The following LARP1 variants were observed in gnomAD, a reference collection of about 807,000 sequenced individuals.
LARP1 encodes la-related protein 1.
LARP1 carries 36 observed loss-of-function variants against 122.7 expected under a neutral mutation model. That is an observed-to-expected ratio of 0.29 (90% CI 0.22 to 0.39). LARP1 has a LOEUF of 0.39. Among genes scored for constraint, LARP1 ranks in the 10% least tolerant of loss-of-function variants. The pLI is 1.00. For synonymous variants in LARP1, 539 were observed against 528.7 expected (o/e 1.02, Z -0.27); for missense variants, 1,040 against 1,403.6 (o/e 0.74, Z 4.14).
chr5:154,801,296 C>T (rs1758335520), intron 10 of LARP1, among the ~76,000 whole-genome samples: 1 of 152,186 alleles, frequency 6.6e-6, no homozygotes, highest in Non-Finnish European at 1.5e-5. Flanking sequence ...TATGTTCATC[C>T]TGTGGTAGTC....
chr5:154,772,884 T>C (rs1279189536), intron 1 of LARP1, among the ~76,000 whole-genome samples: 2 of 152,046 alleles, frequency 1.3e-5, no homozygotes, highest in African/African-American at 4.8e-5. Flanking sequence ...ACGGGGTTTT[T>C]CCGTGTCGGT....
rs146697962 is a variant in LARP1, at chr5:154,784,742, A to G, written c.437-5583A>G. ...GTGACCTGATGAGTTTGAATCACCC[A>G]TGTGCTTTCTACCTGTTGGTTGAAC... On this transcript the variant is annotated intron_variant, in intron 1 of 18. Transcript: ENST00000518297. 3.7e-4 allele frequency among the ~76,000 whole-genome samples: 57 copies of G among 152,260 alleles called. No homozygotes were observed. The South Asian group carries it at 7.3e-3, about 19-fold the overall frequency.
At position 154,758,227 on chromosome 5, in the gene LARP1, A is replaced by G. The variant is rs74850345; in HGVS notation, c.436+2034A>G. 4.7e-3 allele frequency among the ~76,000 whole-genome samples: 710 copies of G among 152,174 alleles called. 2 individuals are homozygous for G. Among genetic ancestry groups the G allele is most frequent in the African/African-American group, 0.016 (670 of 41,506 alleles). Reference sequence around the variant, plus strand: ...CCAGGAGCCCTTGATAGTGTGCGTCACTGGGGTTATTGATCGTGGGAAGAA... The same window carrying G: ...CCAGGAGCCCTTGATAGTGTGCGTCGCTGGGGTTATTGATCGTGGGAAGAA... On this transcript the variant is annotated intron_variant, in intron 1 of 18. Coordinates refer to ENST00000518297, the MANE Select transcript of LARP1 (RefSeq NM_033551.3).
At chr5:154,774,452 C>T (rs980973546) in intron 1 of LARP1, among the ~76,000 whole-genome samples, 3 of 152,264 alleles carry the variant, frequency 2.0e-5, no homozygotes, top group Middle Eastern at 3.4e-3. Flanking sequence ...CAAATTCCCT[C>T]GAGGTAGGAT....
chr5:154,782,748 C>T (rs1026056122), intron 1 of LARP1, among the ~76,000 whole-genome samples: 3 of 152,184 alleles, frequency 2.0e-5, no homozygotes, highest in African/African-American at 7.2e-5. Context: ...GCATTTCATC[C>T]GCAGGTCTAG....
chr5:154,720,021 G>A (rs1019073091), intron 1 of LARP1, among the ~76,000 whole-genome samples: 159 of 151,508 alleles, frequency 1.0e-3, no homozygotes, highest in Non-Finnish European at 1.8e-4. Context: ...GTGAAACCCC[G>A]TCTCTACTAA....
At chr5:154,789,503 G>C (rs1250945660) in intron 1 of LARP1, among the ~76,000 whole-genome samples, 2 of 152,120 alleles carry the variant, frequency 1.3e-5, no homozygotes, top group African/African-American at 2.4e-5. Context: ...TTACAGGCGT[G>C]AGCCACTGCG....
chr5:154,789,039 C>T (rs1355194283), intron 1 of LARP1, among the ~76,000 whole-genome samples: 1 of 151,624 alleles, frequency 6.6e-6, no homozygotes, highest in Non-Finnish European at 1.5e-5. Context: ...TGGTGAAACC[C>T]ATCTCTACTA....
upstream of LARP1, among the ~76,000 whole-genome samples, chr5:154,751,431 A>G (rs1384281527): frequency 6.6e-6 from 1 of 152,224 alleles, no homozygotes; most frequent in Non-Finnish European, 1.5e-5. Flanking sequence ...CTGGGTTATT[A>G]TGAAGATTAA....
chr5:154,777,258 C>T (rs1755982880), intron 1 of LARP1, among the ~76,000 whole-genome samples: 1 of 152,056 alleles, frequency 6.6e-6, no homozygotes, highest in Non-Finnish European at 1.5e-5. Context: ...CCCAGCACTT[C>T]CCAGCACTTT....
chr5:154,808,470 T>C lies in LARP1; in HGVS notation c.2710T>C (p.Leu904=). 6.2e-7 allele frequency: 1 copy of C among 1,613,116 alleles called. No individual in the cohort carries two copies. Among genetic ancestry groups the C allele is most frequent in the Non-Finnish European group, 8.5e-7 (1 of 1,179,824 alleles). The change falls in exon 16 of 19, where the codon TTG becomes CTG. Residue 904 remains leucine, a synonymous_variant. Coordinates refer to ENST00000518297, the MANE Select transcript of LARP1 (RefSeq NM_033551.3). Reference sequence around the variant, plus strand: ...TTCTTTCCCATCAGAGCGGAAACGCTTGGGCATTGGCCAGTCTCAGGAGAT... The same window carrying C: ...TTCTTTCCCATCAGAGCGGAAACGCCTGGGCATTGGCCAGTCTCAGGAGAT... ...RRRCLNERKR[L]GIGQSQEMNT...
Position 154,688,653 on chromosome 5 carries a change from C to CAAAAAA in LARP1, c.-180+5634_-180+5639dup, listed in dbSNP as rs10677648. Among the ~76,000 whole-genome samples the CAAAAAA allele has an allele frequency of 3.4e-3, 268 of 79,356 alleles. 5 individuals carry two copies. The highest frequency in any genetic ancestry group is 0.012 in the African/African-American group (208 of 18,078). 52.1% of individuals were successfully genotyped at this position (79,356 alleles called of 152,430 possible). A position where few individuals can be genotyped will look rare whatever the true frequency, so the allele number is the denominator to read the frequency against. Reference sequence around the variant, plus strand: ...TGGGCGGCAGAGGAAGACTCCATCTCAAAAAAAAAAAAAAAAAAAAAAATT... The same window carrying CAAAAAA: ...TGGGCGGCAGAGGAAGACTCCATCTCAAAAAAAAAAAAAAAAAAAAAAAAAAAAATT... On this transcript the variant is annotated intron_variant, in intron 1 of 18. Coordinates refer to the LARP1 transcript ENST00000687700.
chr5:154,776,009 G>T (rs1755852848), intron 1 of LARP1, among the ~76,000 whole-genome samples: 1 of 152,160 alleles, frequency 6.6e-6, no homozygotes, highest in South Asian at 2.1e-4. Flanking sequence ...ACTATTATTA[G>T]TATTTTAAAG....
At chr5:154,729,050 A>T (rs1339363749) in intron 1 of LARP1, among the ~76,000 whole-genome samples, 1 of 152,196 alleles carries the variant, frequency 6.6e-6, no homozygotes, top group Admixed American at 6.5e-5. Flanking sequence ...TAGCTACCAG[A>T]TGCTGCTGGC....
chr5:154,813,994 T>C lies in LARP1; in HGVS notation c.3189T>C (p.Ala1063=). 1 of 1,614,034 alleles carries C rather than the reference T, an allele frequency of 6.2e-7. No individual in the cohort carries two copies. The highest frequency in any genetic ancestry group is 1.7e-5 in the Admixed American group (1 of 60,008). ...CCTCCCAGTCTTCCAGCAGGCCTGC[T>C]GCCATGATCAGCCAACCCCCTACAC... ...RCPSQSSSRP[A]AMISQPPTPP... Residue 1063 remains alanine, a synonymous_variant, in exon 19 of 19, where the codon GCT becomes GCC. Transcript: ENST00000518297.
intron 10 of LARP1, among the ~76,000 whole-genome samples, chr5:154,800,676 A>T (rs1485711434): frequency 6.6e-6 from 1 of 152,180 alleles, no homozygotes; most frequent in Admixed American, 6.5e-5. Flanking sequence ...TAAAATTACT[A>T]CTTCCTTTTT....
At chr5:154,785,691 T>G (rs1228952054) in intron 1 of LARP1, among the ~76,000 whole-genome samples, 3 of 152,062 alleles carry the variant, frequency 2.0e-5, no homozygotes, top group Non-Finnish European at 4.4e-5. Context: ...TGAGGGGGTG[T>G]TAGACACACT....
At chr5:154,774,893 C>A (rs1393172719) in intron 1 of LARP1, among the ~76,000 whole-genome samples, 1 of 152,134 alleles carries the variant, frequency 6.6e-6, no homozygotes, top group African/African-American at 2.4e-5. Context: ...ATCACAGTGC[C>A]TGCATTAGGA....
chr5:154,790,598 A>G (rs1293496444), intron 2 of LARP1, 47 bp from the exon 3 acceptor site: 2 of 1,603,186 alleles, frequency 1.2e-6, no homozygotes, highest in Non-Finnish European at 1.7e-6. Context: ...GCTGAATAGC[A>G]AAGACAGGGT....
Sources: allele counts gnomAD v4.1 joint callset (sites outside exome capture counted in the v4.1 genomes callset), GRCh38; gene constraint gnomAD v4.1.1; transcripts MANE v1.5; gene names NCBI Gene and HGNC (gene_info 2026-07-23, HGNC 2026-07-21).